Variants in TTC23L observed in about 807,000 individuals in gnomAD.
TTC23L encodes tetratricopeptide repeat protein 23-like.
TTC23L carries 42 observed loss-of-function variants against 48.1 expected under a neutral mutation model. The observed-to-expected ratio is 0.87, with a 90% CI of 0.68 to 1.13. TTC23L has a LOEUF of 1.13. Among genes scored for constraint, TTC23L ranks in the 50% most tolerant of loss-of-function variants. The pLI is 0.00. For missense variants in TTC23L, 391 were observed against 421.0 expected, an observed-to-expected ratio of 0.93 and a Z score of 0.62; for synonymous variants, 159 against 157.2, an observed-to-expected ratio of 1.01 and a Z score of -0.09.
At chr5:34,880,082 A>G (rs1294190018) in intron 8 of TTC23L, 99 bp from the exon 9 acceptor site, 7 of 1,420,962 alleles carry the variant, frequency 4.9e-6, no homozygotes, top group African/African-American at 2.9e-5. Flanking sequence ...GAGAACAAGC[A>G]TGGACTTTAA....
the TTC23L span, chr5:34,924,936 A>C: frequency 6.2e-7 from 1 of 1,613,648 alleles, no homozygotes; most frequent in Non-Finnish European, 8.5e-7. Context: ...TTGGAGGACC[A>C]ACTTTATATG....
Position 34,839,206 on chromosome 5 carries a change from G to C in TTC23L, c.-61G>C, listed in dbSNP as rs1330021058. 2.0e-5 allele frequency: 3 copies of C among 152,788 alleles called. No individual in the cohort carries two copies. The East Asian group carries it at 5.8e-4, about 29-fold the overall frequency. 9.5% of individuals were successfully genotyped at this position (152,788 alleles called of 1,614,324 possible). A position where few individuals can be genotyped will look rare whatever the true frequency, so the allele number is the denominator to read the frequency against. ...ACCTGGGCTGCGGAAGGTAACTGGGGACGTCGCAGGCTGTGCAGCTTTCGC... is the reference window on the plus strand; with the variant it reads ...ACCTGGGCTGCGGAAGGTAACTGGGCACGTCGCAGGCTGTGCAGCTTTCGC... On this transcript the variant is annotated 5_prime_UTR_variant, in exon 1 of 11. Transcript: ENST00000505624.
the TTC23L span, chr5:34,920,277 G>A: frequency 6.5e-6 from 1 of 153,096 alleles, no homozygotes; most frequent in Admixed American, 6.5e-5. Flanking sequence ...TATTAAAAGT[G>A]ATTTGTGTGG....
chr5:34,922,557 C>A, the TTC23L span: 3 of 1,608,782 alleles, frequency 1.9e-6, no homozygotes, highest in South Asian at 3.3e-5. Context: ...ATTCACCTCA[C>A]GGACCATCTG....
intron 9 of TTC23L, among the ~76,000 whole-genome samples, chr5:34,891,216 A>G (rs969313715): frequency 1.3e-5 from 2 of 152,144 alleles, no homozygotes; most frequent in Non-Finnish European, 2.9e-5. Flanking sequence ...TCACCGTATT[A>G]TTGTTTTATA....
At chr5:34,921,668 G>A in the TTC23L span, 1 of 152,418 alleles carries the variant, frequency 6.6e-6, no homozygotes, top group East Asian at 1.9e-4. Context: ...CACTTTGGGA[G>A]GCTGAGGCAG....
At chr5:34,840,246 G>T (rs111386490) in intron 1 of TTC23L, among the ~76,000 whole-genome samples, 1 of 142,488 alleles carries the variant, frequency 7.0e-6, no homozygotes, top group Non-Finnish European at 1.5e-5. Flanking sequence ...CCGGGGGGGG[G>T]GGGGAAAGCA....
At chr5:34,923,362 C>T in the TTC23L span, 3 of 685,150 alleles carry the variant, frequency 4.4e-6, no homozygotes, top group Admixed American at 4.9e-5. Flanking sequence ...TCACTGCAAC[C>T]TCCACCTCCC....
chr5:34,868,704 T>G, intron 7 of TTC23L: 1 of 511,952 alleles, frequency 2.0e-6, no homozygotes, highest in South Asian at 2.1e-5. Context: ...CCCTGTGCTT[T>G]GCATATACCA....
At chr5:34,889,148 C>G (rs188216333) in intron 9 of TTC23L, among the ~76,000 whole-genome samples, 1 of 152,130 alleles carries the variant, frequency 6.6e-6, no homozygotes, top group South Asian at 2.1e-4. Flanking sequence ...GGGAAGAGAA[C>G]AAAAACTTGT....
At chr5:34,866,898 C>G in exon 7 of TTC23L, 1 of 1,594,740 alleles carries the variant, frequency 6.3e-7, no homozygotes, top group Non-Finnish European at 8.6e-7. Flanking sequence ...GCAGAGCCTC[C>G]TTGGCCATCC....
intron 3 of TTC23L, among the ~76,000 whole-genome samples, chr5:34,848,936 A>G (rs971178751): frequency 1.3e-5 from 2 of 152,252 alleles, no homozygotes; most frequent in African/African-American, 4.8e-5. Context: ...TTATATCTTA[A>G]GATATAAACA....
chr5:34,887,694 G>A (rs1157000527), intron 9 of TTC23L, among the ~76,000 whole-genome samples: 7 of 152,122 alleles, frequency 4.6e-5, no homozygotes, highest in East Asian at 1.9e-4. Context: ...CTCTTAGAAC[G>A]CAGAGTGAAA....
intron 6 of TTC23L, 143 bp downstream of exon 6, chr5:34,864,705 C>T (rs1760926617): frequency 1.9e-6 from 2 of 1,058,804 alleles, no homozygotes; most frequent in South Asian, 2.2e-5. Context: ...AATGGATACA[C>T]TGGGCATTTT....
intron 4 of TTC23L, among the ~76,000 whole-genome samples, chr5:34,862,461 A>G (rs544008704): frequency 1.3e-5 from 2 of 152,316 alleles, no homozygotes; most frequent in South Asian, 4.1e-4. Flanking sequence ...GTCAGCTTCT[A>G]TAATTATTAT....
chr5:34,922,361 C>T, the TTC23L span: 1 of 1,019,374 alleles, frequency 9.8e-7, no homozygotes, highest in Non-Finnish European at 1.5e-6. Context: ...ATGTTATAGA[C>T]TCCTAGTGTT....
At chr5:34,843,027 C>T (rs193223102) in intron 2 of TTC23L, among the ~76,000 whole-genome samples, 4 of 152,224 alleles carry the variant, frequency 2.6e-5, no homozygotes, top group Admixed American at 2.0e-4. Flanking sequence ...AGGCTGGTCT[C>T]GAACTCCTGA....
At chr5:34,909,177 T>C in the TTC23L span, 1 of 1,130,900 alleles carries the variant, frequency 8.8e-7, no homozygotes, top group Non-Finnish European at 1.3e-6. Context: ...ATTAACAGAT[T>C]GAAAGTGTTT....
intron 9 of TTC23L, among the ~76,000 whole-genome samples, chr5:34,892,842 A>C (rs1367526881): frequency 2.0e-5 from 3 of 152,234 alleles, no homozygotes; most frequent in Non-Finnish European, 4.4e-5. Context: ...CGTGCTGGAC[A>C]TGAGTTTGGA....
Sources: gnomAD v4.1 joint callset for allele counts (sites outside exome capture counted in the v4.1 genomes callset) on GRCh38, gnomAD v4.1.1 for gene constraint, MANE v1.5 for transcripts, NCBI Gene and HGNC (gene_info 2026-07-23, HGNC 2026-07-21) for gene names.